MTFMT: variants seen among roughly 807,000 people sequenced by gnomAD.
The protein encoded by MTFMT is mitochondrial methionyl-tRNA formyltransferase.
Under a neutral mutation model 51.8 loss-of-function variants are expected in MTFMT, and 47 were observed. That is an observed-to-expected ratio of 0.91 (90% CI 0.72 to 1.16). MTFMT has a LOEUF of 1.16. Among genes scored for constraint, MTFMT ranks in the 50% most tolerant of loss-of-function variants. The pLI is 0.00. For synonymous variants in MTFMT, 196 were observed against 176.7 expected, an observed-to-expected ratio of 1.11 and a Z score of -0.87; for missense variants, 512 against 482.3, an observed-to-expected ratio of 1.06 and a Z score of -0.58.
intron 2 of MTFMT, among the ~76,000 whole-genome samples, chr15:65,025,390 C>T (rs1026484831): frequency 6.6e-6 from 1 of 151,058 alleles, no homozygotes; most frequent in East Asian, 1.9e-4. Flanking sequence ...GCAAGACTGT[C>T]TCTAAATTAA....
chr15:65,001,811 AGT>A lies in MTFMT; in HGVS notation c.*1249_*1250del, dbSNP rs2086178657. The A allele has an allele frequency of 6.6e-6, 1 of 152,082 alleles. No individual in the cohort carries two copies. Among genetic ancestry groups the A allele is most frequent in the Admixed American group, 6.6e-5 (1 of 15,262 alleles). The allele number at this position is 152,082 out of a possible 1,614,324, so 9.4% of individuals were successfully genotyped here. On this transcript the variant is annotated 3_prime_UTR_variant, in exon 9 of 9. Transcript: ENST00000220058. ...CCAGGAGGTTGAAGATGCAGTAAGC[AGT>A]GTTTCACGCCACTGGACTCCAGACT...
In MTFMT at chr15:65,004,943, A is replaced by C. The variant is rs2086209652; in HGVS notation, c.893-7T>G. On this transcript the variant is annotated splice_region_variant and splice_polypyrimidine_tract_variant and intron_variant, in intron 7 of 8. Transcript: ENST00000220058. ...TGTCCCGTTAATTTTGGATCTGAAGAATGGAAAAAAGAAAAGATATACAAG... is the reference window on the plus strand; with the variant it reads ...TGTCCCGTTAATTTTGGATCTGAAGCATGGAAAAAAGAAAAGATATACAAG... 2 of 1,600,674 alleles carry C rather than the reference A, an allele frequency of 1.2e-6. No individual in the cohort carries two copies. The highest frequency in any genetic ancestry group is 1.7e-5 in the Admixed American group (1 of 59,874).
chr15:65,013,598 T>C (rs1264871991), intron 6 of MTFMT, among the ~76,000 whole-genome samples: 2 of 152,308 alleles, frequency 1.3e-5, no homozygotes, highest in Non-Finnish European at 1.5e-5. Context: ...TAATATGATA[T>C]GTTACATTGA....
chr15:65,004,635 T>C (rs1052201595), intron 8 of MTFMT, among the ~76,000 whole-genome samples: 5 of 152,204 alleles, frequency 3.3e-5, no homozygotes, highest in Admixed American at 1.3e-4. Flanking sequence ...CTCAAGTTAC[T>C]GAATCTTCTT....
chr15:65,012,349 C>T (rs956158080), intron 6 of MTFMT, among the ~76,000 whole-genome samples: 1 of 151,382 alleles, frequency 6.6e-6, no homozygotes, highest in Non-Finnish European at 1.5e-5. Flanking sequence ...TGGGAACTAC[C>T]TTTAGAAAAA....
At chr15:65,025,432 T>C (rs1255882387) in intron 2 of MTFMT, among the ~76,000 whole-genome samples, 1 of 151,522 alleles carries the variant, frequency 6.6e-6, no homozygotes, top group African/African-American at 2.4e-5. Context: ...AATAAATAAA[T>C]AAATACATTT....
In MTFMT at chr15:65,007,682, T is replaced by A. The variant is rs145014404; in HGVS notation, c.814-1491A>T. Among the ~76,000 whole-genome samples the A allele has an allele frequency of 5.4e-4, 83 of 152,370 alleles. No homozygotes were observed. In the East Asian group the frequency reaches 9.0e-3, roughly 17 times the overall value. On this transcript the variant is annotated intron_variant, in intron 6 of 8. Transcript: ENST00000220058. ...AAATATGATAATCTCTTGCTGTTTA[T>A]TATTAGCGAAGCTGAGAAGCTGTCC... is the stretch of plus-strand genomic sequence containing the variant.
intron 2 of MTFMT, chr15:65,026,359 T>C: frequency 4.7e-6 from 1 of 211,660 alleles, no homozygotes; most frequent in Non-Finnish European, 1.0e-5. Context: ...TTGTAAATTT[T>C]CCTTCGAATA....
intron 8 of MTFMT, 52 bp downstream of exon 8, chr15:65,004,802 A>G (rs2086207954): frequency 8.0e-7 from 1 of 1,245,558 alleles, no homozygotes; most frequent in Admixed American, 2.0e-5. Flanking sequence ...AATGATACAG[A>G]CTATAACATA....
At chr15:65,026,494 ACT>A (rs1367073441) in intron 2 of MTFMT, 2 of 284,714 alleles carry the variant, frequency 7.0e-6, no homozygotes, top group African/African-American at 4.5e-5. Context: ...GTATGAATCA[ACT>A]CTGTTACCAG....
At position 65,002,917 on chromosome 15, in the gene MTFMT, AGTG is replaced by A; in HGVS notation, c.*142_*144del. 1 of 483,800 alleles carries A rather than the reference AGTG, an allele frequency of 2.1e-6. No homozygotes were observed. Among genetic ancestry groups the A allele is most frequent in the South Asian group, 4.0e-5 (1 of 25,120 alleles). 30.0% of individuals were successfully genotyped at this position (483,800 alleles called of 1,614,324 possible). ...GGCGGAGGTTGCAGTGAGCTGAGAT[AGTG>A]CCACTGGATTCCAGCCTGGGTGACA... On this transcript the variant is annotated 3_prime_UTR_variant, in exon 9 of 9. Coordinates refer to ENST00000220058, the MANE Select transcript of MTFMT (RefSeq NM_139242.4).
intron 5 of MTFMT, 86 bp downstream of exon 5, chr15:65,020,111 G>T: frequency 7.9e-7 from 1 of 1,266,768 alleles, no homozygotes; most frequent in Non-Finnish European, 1.1e-6. Context: ...TAAGGGAAAA[G>T]TACAGCTAAG....
intron 6 of MTFMT, among the ~76,000 whole-genome samples, chr15:65,012,092 C>G (rs2086272572): frequency 8.7e-6 from 1 of 115,132 alleles, no homozygotes. Context: ...ATTGAGAATA[C>G]TATTCTTTCT....
intron 5 of MTFMT, among the ~76,000 whole-genome samples, chr15:65,019,698 A>G (rs973092063): frequency 1.3e-5 from 2 of 152,184 alleles, no homozygotes; most frequent in African/African-American, 4.8e-5. Context: ...ATTAAATCCT[A>G]GTTTGAAAAA....
Position 65,002,980 on chromosome 15 carries a change from A to AG in MTFMT, c.*81_*82insC. On this transcript the variant is annotated 3_prime_UTR_variant, in exon 9 of 9. Transcript: ENST00000220058. ...TCTGTCTCAAAAAAAAAAAAAAAAA[A>AG]AAAAGTCCAGATAATTCCTTGTAAA... The AG allele has an allele frequency of 5.0e-6, 5 of 996,908 alleles. No homozygotes were observed. In the South Asian group the frequency reaches 8.1e-5, roughly 16 times the overall value. The allele number at this position is 996,908 out of a possible 1,614,324, so 61.8% of individuals were successfully genotyped here. A position where few individuals can be genotyped will look rare whatever the true frequency, so the allele number is the denominator to read the frequency against.
intron 6 of MTFMT, among the ~76,000 whole-genome samples, chr15:65,007,535 A>G (rs576882900): frequency 6.6e-6 from 1 of 152,290 alleles, no homozygotes; most frequent in Non-Finnish European, 1.5e-5. Context: ...CCTTGTCGAT[A>G]TATCTTTGAG....
Position 65,023,790 on chromosome 15 carries a change from T to C in MTFMT, c.424A>G (p.Ile142Val), listed in dbSNP as rs2086396465. 1.9e-6 allele frequency: 3 copies of C among 1,611,092 alleles called. No individual in the cohort carries two copies. Among genetic ancestry groups the C allele is most frequent in the African/African-American group, 1.3e-5 (1 of 75,000 alleles). ...AGGCAACTGGGATGAACATTCAATA[T>C]GCCACTGAGTTAGAAAATGTAGAAA... ...EALILKFPYG[I>V]LNVHPSCLPR... The change falls in exon 3 of 9, where the codon ATA becomes GTA. Residue 142 changes from isoleucine (I) to valine (V), a missense_variant. Physicochemically the swap from Ile to Val is conservative, Grantham distance 29. Transcript: ENST00000220058.
chr15:65,005,986 T>C, intron 7 of MTFMT, 127 bp downstream of exon 7: 1 of 591,912 alleles, frequency 1.7e-6, no homozygotes, highest in Non-Finnish European at 3.0e-6. Flanking sequence ...ATGTAAAGTA[T>C]TATAATTACT....
rs1024553073 is a variant in MTFMT, at chr15:65,002,876, T to C, written c.*186A>G. 2.8e-6 allele frequency: 1 copy of C among 353,728 alleles called. No homozygotes were observed. Among genetic ancestry groups the C allele is most frequent in the East Asian group, 4.8e-5 (1 of 20,882 alleles). 21.9% of individuals were successfully genotyped at this position (353,728 alleles called of 1,614,324 possible). ...TACTCAGGAGGCTGAGGCAGGAGAA[T>C]TGCTTGAACCTGGGAGGCGGAGGTT... On this transcript the variant is annotated 3_prime_UTR_variant, in exon 9 of 9. Coordinates refer to ENST00000220058, the MANE Select transcript of MTFMT (RefSeq NM_139242.4).
Sources: allele counts gnomAD v4.1 joint callset (sites outside exome capture counted in the v4.1 genomes callset), GRCh38; gene constraint gnomAD v4.1.1; transcripts MANE v1.5; gene names NCBI Gene and HGNC (gene_info 2026-07-23, HGNC 2026-07-21).